The following GGACT variants were observed in gnomAD, a reference collection of about 807,000 sequenced individuals.
GGACT encodes gamma-glutamylamine cyclotransferase, also known as gamma-glutamylaminecyclotransferase.
For missense variants in GGACT, 241 were observed against 233.2 expected, an observed-to-expected ratio of 1.03 and a Z score of -0.22; for synonymous variants, 118 against 115.3, an observed-to-expected ratio of 1.02 and a Z score of -0.15.
intron 2 of GGACT, among the ~76,000 whole-genome samples, chr13:100,582,188 C>A (rs968968290): frequency 1.3e-5 from 2 of 152,162 alleles, no homozygotes; most frequent in African/African-American, 4.8e-5. Flanking sequence ...AACAGCTAAC[C>A]AGGGCTCCTT....
At chr13:100,537,236 A>C (rs1275733837) in intron 2 of GGACT, 1 of 152,370 alleles carries the variant, frequency 6.6e-6, no homozygotes, top group African/African-American at 2.4e-5. Flanking sequence ...GAGAGACTTG[A>C]TGTGAGCCAG....
chr13:100,542,715 T>C (rs908117049), intron 2 of GGACT, among the ~76,000 whole-genome samples: 1 of 152,094 alleles, frequency 6.6e-6, no homozygotes, highest in Non-Finnish European at 1.5e-5. Flanking sequence ...GTCCGGACAA[T>C]AGCGGCATCC....
intron 2 of GGACT, among the ~76,000 whole-genome samples, chr13:100,578,005 G>A (rs1875303711): frequency 6.6e-6 from 1 of 152,100 alleles, no homozygotes; most frequent in Admixed American, 6.6e-5. Flanking sequence ...ATTTACTCAG[G>A]CACAACTAAA....
chr13:100,547,527 G>T (rs1346420754), intron 2 of GGACT, among the ~76,000 whole-genome samples: 2 of 152,330 alleles, frequency 1.3e-5, no homozygotes, highest in Non-Finnish European at 1.5e-5. Flanking sequence ...CCCCGCGCAG[G>T]CCTGGTCTGC....
intron 1 of GGACT, chr13:100,587,098 T>TC (rs1338413543): frequency 1.3e-5 from 2 of 152,236 alleles, no homozygotes; most frequent in African/African-American, 4.8e-5. Context: ...TCCTGTCCCC[T>TC]CTTCAAGCAT....
chr13:100,546,007 T>C (rs935832991), intron 2 of GGACT, among the ~76,000 whole-genome samples: 4 of 152,112 alleles, frequency 2.6e-5, no homozygotes, highest in African/African-American at 9.7e-5. Flanking sequence ...AGGCAGACAG[T>C]GTTGATAGAA....
At chr13:100,544,542 C>T (rs368263749) in intron 2 of GGACT, among the ~76,000 whole-genome samples, 64 of 152,342 alleles carry the variant, frequency 4.2e-4, no homozygotes, top group Non-Finnish European at 6.0e-4. Context: ...GCACCGGCCC[C>T]GGTAAAACGC....
chr13:100,569,437 C>T (rs1382464657), intron 2 of GGACT, among the ~76,000 whole-genome samples: 1 of 152,210 alleles, frequency 6.6e-6, no homozygotes, highest in African/African-American at 2.4e-5. Context: ...AATGGCCTGA[C>T]CTTTACACTG....
At chr13:100,588,105 C>T (rs1012372813) in intron 1 of GGACT, among the ~76,000 whole-genome samples, 2 of 152,214 alleles carry the variant, frequency 1.3e-5, no homozygotes, top group Middle Eastern at 3.2e-3. Flanking sequence ...AGTTAAGAAG[C>T]TGTGTTCAAA....
At chr13:100,541,494 T>G (rs2153013003) in intron 2 of GGACT, among the ~76,000 whole-genome samples, 1 of 152,302 alleles carries the variant, frequency 6.6e-6, no homozygotes, top group Middle Eastern at 3.4e-3. Context: ...CCTTGGCCCT[T>G]CCTTATCCCT....
rs2088378531 is a variant in GGACT at position 100,531,483 on chromosome 13, T to C, written c.*647A>G. ...TGTTCATTATTTTGCTAGATCAGAA[T>C]GTAAAGAACCTTCTACCAAATAAGT... On this transcript the variant is annotated 3_prime_UTR_variant, in exon 3 of 3. Coordinates refer to ENST00000683975, the MANE Select transcript of GGACT (RefSeq NM_001195087.2). 1 of 152,238 alleles carries C rather than the reference T, an allele frequency of 6.6e-6. No individual in the cohort carries two copies. Among genetic ancestry groups the C allele is most frequent in the African/African-American group, 2.4e-5 (1 of 41,460 alleles). The allele number at this position is 152,238 out of a possible 1,614,324, so 9.4% of individuals were successfully genotyped here.
At chr13:100,537,091 C>T (rs752688211) in intron 2 of GGACT, 6 of 152,296 alleles carry the variant, frequency 3.9e-5, no homozygotes, top group Non-Finnish European at 8.8e-5. Flanking sequence ...TGTTTTCCGT[C>T]TTCCAGAAGC....
intron 2 of GGACT, 47 bp from the exon 3 acceptor site, chr13:100,532,648 G>GT: frequency 7.0e-7 from 1 of 1,432,766 alleles, no homozygotes; most frequent in South Asian, 1.4e-5. Flanking sequence ...TGGGAGCTCT[G>GT]TGTCTGCACC....
chr13:100,587,159 G>A (rs2153017860), intron 1 of GGACT: 1 of 152,294 alleles, frequency 6.6e-6, no homozygotes. Context: ...TCACTGGTAA[G>A]GGCCCTGGCT....
At position 100,530,185 on chromosome 13, in the gene GGACT, G is replaced by A; in HGVS notation, c.*1945C>T. On this transcript the variant is annotated 3_prime_UTR_variant, in exon 3 of 3. Coordinates refer to ENST00000683975, the MANE Select transcript of GGACT (RefSeq NM_001195087.2). The stretch of plus-strand genomic sequence containing the variant: ...GGAATGAAGGATTTATAACCTTTCA[G>A]TCATCACCCAATTTAATTAGCCATT... The A allele has an allele frequency of 1.3e-6, 2 of 1,592,958 alleles. No individual in the cohort carries two copies. The highest frequency in any genetic ancestry group is 1.1e-5 in the South Asian group (1 of 90,562).
intron 2 of GGACT, among the ~76,000 whole-genome samples, chr13:100,555,156 A>C (rs2088699867): frequency 6.6e-6 from 1 of 152,258 alleles, no homozygotes; most frequent in Admixed American, 6.5e-5. Flanking sequence ...CCAGAAAATC[A>C]AAGAGGGAGG....
chr13:100,576,281 C>G (rs1168319866), intron 2 of GGACT, among the ~76,000 whole-genome samples: 2 of 152,082 alleles, frequency 1.3e-5, no homozygotes, highest in Non-Finnish European at 2.9e-5. Context: ...TAAAGAAACA[C>G]CAAATTGATA....
At chr13:100,546,713 T>C (rs1294673040) in intron 2 of GGACT, among the ~76,000 whole-genome samples, 1 of 152,188 alleles carries the variant, frequency 6.6e-6, no homozygotes, top group African/African-American at 2.4e-5. Context: ...TAAAATAATG[T>C]TTAGTTTTTA....
chr13:100,559,999 C>T (rs927072008), intron 2 of GGACT, among the ~76,000 whole-genome samples: 3 of 152,094 alleles, frequency 2.0e-5, no homozygotes, highest in African/African-American at 7.2e-5. Context: ...AGAAGCCAGA[C>T]GCCAAAGACT....
Sources: allele counts gnomAD v4.1 joint callset (sites outside exome capture counted in the v4.1 genomes callset), GRCh38; gene constraint gnomAD v4.1.1; transcripts MANE v1.5; gene names NCBI Gene and HGNC (gene_info 2026-07-23, HGNC 2026-07-21).